GALNT9: variants seen among roughly 807,000 people sequenced by gnomAD.
GALNT9 encodes the protein polypeptide N-acetylgalactosaminyltransferase 9.
In GALNT9, 47 loss-of-function variants were observed where a neutral mutation model predicts 63.1. That is an observed-to-expected ratio of 0.75 (90% confidence interval 0.59 to 0.95). GALNT9 has a LOEUF of 0.95. GALNT9 is among the 40% of genes least tolerant of loss of function. GALNT9 has a pLI of 0.00. For missense variants in GALNT9, 829 were observed against 874.8 expected, an observed-to-expected ratio of 0.95 and a Z score of 0.66; for synonymous variants, 396 against 365.7, an observed-to-expected ratio of 1.08 and a Z score of -0.94.
intron 2 of GALNT9, among the ~76,000 whole-genome samples, chr12:132,264,227 C>G (rs1879513144): frequency 6.6e-6 from 1 of 152,250 alleles, no homozygotes; most frequent in Admixed American, 6.5e-5. Context: ...AAGCTCATGG[C>G]ACAGGTTTGA....
chr12:132,299,114 C>T (rs1223310598), intron 1 of GALNT9, among the ~76,000 whole-genome samples: 1 of 137,896 alleles, frequency 7.3e-6, no homozygotes, highest in Non-Finnish European at 1.6e-5. Context: ...TAACCCACTC[C>T]CATGATAACT....
rs2136894857 is a variant in GALNT9 at position 132,236,576 on chromosome 12, C to G, written c.1077+11334G>C. 2.0e-5 allele frequency among the ~76,000 whole-genome samples: 3 copies of G among 152,302 alleles called. No individual in the cohort carries two copies. The highest frequency in any genetic ancestry group is 7.2e-5 in the African/African-American group (3 of 41,558). The stretch of plus-strand genomic sequence containing the variant: ...CCTTCTTTCCTTTCTTCTATCTTTC[C>G]TTTCAAGCTCCAAACTTGCACTTTG... On this transcript the variant is annotated intron_variant, in intron 6 of 10. Transcript: ENST00000328957. The surrounding 1 kb of genome is among the most constrained non-coding windows in gnomAD (Gnocchi z 5.6).
chr12:132,291,671 C>A (rs1880860004), intron 1 of GALNT9, among the ~76,000 whole-genome samples: 1 of 99,260 alleles, frequency 1.0e-5, no homozygotes, highest in Non-Finnish European at 2.1e-5. Flanking sequence ...CCGCCCACAT[C>A]CACGGTGCCC....
At chr12:132,254,922 C>T (rs1241857576) in intron 5 of GALNT9, among the ~76,000 whole-genome samples, 1 of 152,222 alleles carries the variant, frequency 6.6e-6, no homozygotes, top group African/African-American at 2.4e-5. Context: ...TCCGAGGGAG[C>T]AGCCACAGCT....
At position 132,238,562 on chromosome 12, in the gene GALNT9, C is replaced by T. The variant is rs1471119946; in HGVS notation, c.1077+9348G>A. On this transcript the variant is annotated intron_variant, in intron 6 of 10. Transcript: ENST00000328957. The surrounding 1 kb of genome is among the most constrained non-coding windows in gnomAD (Gnocchi z 6.5). ...GGCGGGGCCGTGGCATGGGGAGGGG[C>T]TGCCCTAGGGATGGGGACTCCTGGC... Among the ~76,000 whole-genome samples, 1 of 152,152 alleles carries T rather than the reference C, an allele frequency of 6.6e-6. No individual in the cohort carries two copies. The highest frequency in any genetic ancestry group is 1.5e-5 in the Non-Finnish European group (1 of 68,010).
Position 132,282,400 on chromosome 12 carries a change from T to C in GALNT9, c.419+3850A>G, listed in dbSNP as rs565804407. 3.3e-5 allele frequency among the ~76,000 whole-genome samples: 5 copies of C among 149,444 alleles called. No individual in the cohort carries two copies. The South Asian group carries it at 1.1e-3, about 32-fold the overall frequency. On this transcript the variant is annotated intron_variant, in intron 2 of 10. Coordinates refer to ENST00000328957, the MANE Select transcript of GALNT9 (RefSeq NM_001122636.2). The surrounding 1 kb of genome is among the most constrained non-coding windows in gnomAD (Gnocchi z 4.5). ...AAAGAAAAAACTAAAAATACGTGTG[T>C]GCGCGTGTGTGCGTGTGTGTGCGTG... is the stretch of plus-strand genomic sequence containing the variant.
chr12:132,306,859 C>T (rs577262191), intron 1 of GALNT9, among the ~76,000 whole-genome samples: 2 of 152,318 alleles, frequency 1.3e-5, no homozygotes, highest in East Asian at 3.9e-4. Flanking sequence ...TTTACGGAAT[C>T]GTCATTTGAA....
chr12:132,207,145 C>T (rs951403199), intron 6 of GALNT9, among the ~76,000 whole-genome samples: 1 of 152,210 alleles, frequency 6.6e-6, no homozygotes, highest in Non-Finnish European at 1.5e-5. Context: ...CTGTTTAGAG[C>T]CGCCGTCCTT....
intron 6 of GALNT9, among the ~76,000 whole-genome samples, chr12:132,210,213 G>T (rs1282996291): frequency 6.6e-6 from 1 of 152,252 alleles, no homozygotes; most frequent in Non-Finnish European, 1.5e-5. Flanking sequence ...GGAGAGACAG[G>T]AGAGGGGCCC....
chr12:132,201,443 T>A (rs1050753556), intron 7 of GALNT9, among the ~76,000 whole-genome samples, 182 bp from the exon 8 acceptor site: 5 of 150,858 alleles, frequency 3.3e-5, no homozygotes, highest in Non-Finnish European at 5.9e-5. Flanking sequence ...CCACAGAGGG[T>A]CTGAGGCAGC....
chr12:132,203,094 G>A (rs112708921), intron 7 of GALNT9, among the ~76,000 whole-genome samples: 6,242 of 152,182 alleles, frequency 0.041, 424 homozygotes, highest in African/African-American at 0.14. Context: ...TCATGAAACC[G>A]CCAGACAGTT....
chr12:132,240,368 C>G (rs548706070), intron 6 of GALNT9: 2 of 351,300 alleles, frequency 5.7e-6, no homozygotes, highest in East Asian at 1.5e-4. Context: ...ACTGTACACC[C>G]CATGCTGGCC....
At chr12:132,261,379 C>G (rs57182680) in intron 3 of GALNT9, among the ~76,000 whole-genome samples, 9,341 of 152,228 alleles carry the variant, frequency 0.061, 965 homozygotes, top group African/African-American at 0.21. Context: ...GAGAGACAGA[C>G]AGCAGCCCAT....
At chr12:132,239,641 CAGAG>C (rs1878164462) in intron 6 of GALNT9, among the ~76,000 whole-genome samples, 1 of 82,724 alleles carries the variant, frequency 1.2e-5, no homozygotes, top group African/African-American at 5.9e-5. Flanking sequence ...GAGACAGAGT[CAGAG>C]ACAGAGTCAG....
chr12:132,322,733 T>G (rs1423903135), intron 1 of GALNT9, among the ~76,000 whole-genome samples: 1 of 152,156 alleles, frequency 6.6e-6, no homozygotes, highest in Non-Finnish European at 1.5e-5. Flanking sequence ...GAGGGCCTGG[T>G]GAGCCCAGGG....
rs974087582 is a variant in GALNT9, at chr12:132,257,702, A to C, written c.946T>G (p.Ser316Ala). 9.2e-5 allele frequency: 142 copies of C among 1,549,298 alleles called. 1 individual carries two copies. In the East Asian group the frequency reaches 3.4e-3, roughly 37 times the overall value. The change falls in exon 5 of 11, where the codon TCA (serine) becomes GCA (alanine). Residue 316 changes from serine (S) to alanine (A), a missense_variant. Transcript: ENST00000328957. ...GGCGCAGCTCACCTGATGGGTGCTG[A>C]CTCGTCGCCGCGGTCCAGCCAGTCC... Reference protein sequence around the residue: ...PQDWLDRGDESAPIRTPAMIG... With the variant: ...PQDWLDRGDEAAPIRTPAMIG...
intron 1 of GALNT9, among the ~76,000 whole-genome samples, chr12:132,314,135 C>A (rs1176721475): frequency 1.5e-5 from 2 of 136,284 alleles, no homozygotes; most frequent in African/African-American, 5.6e-5. Flanking sequence ...TCCATCCACC[C>A]ACACATCCAC....
chr12:132,323,607 G>T (rs1191627329), intron 1 of GALNT9, among the ~76,000 whole-genome samples: 3 of 152,194 alleles, frequency 2.0e-5, no homozygotes, highest in Admixed American at 2.0e-4. Flanking sequence ...CCAAAATGTC[G>T]TTCATCTCAG....
intron 2 of GALNT9, among the ~76,000 whole-genome samples, chr12:132,269,669 C>T (rs1308860477): frequency 6.6e-6 from 1 of 152,184 alleles, no homozygotes; most frequent in African/African-American, 2.4e-5. Context: ...TCCATGGATT[C>T]GGGGCCGAGG....
Sources: gnomAD v4.1 joint callset for allele counts (sites outside exome capture counted in the v4.1 genomes callset) on GRCh38, gnomAD v4.1.1 for gene constraint, Gnocchi (gnomAD v3.1) non-coding constraint, MANE v1.5 for transcripts, NCBI Gene and HGNC (gene_info 2026-07-23, HGNC 2026-07-21) for gene names.